The following FAM234A variants were observed in gnomAD, a reference collection of about 807,000 sequenced individuals.
FAM234A encodes protein FAM234A.
Under a neutral mutation model 49.1 loss-of-function variants are expected in FAM234A, and 42 were observed. The observed-to-expected ratio is 0.86, with a 90% confidence interval of 0.67 to 1.11. FAM234A has a LOEUF of 1.11. Ranked by LOEUF, FAM234A falls within the 50% of genes least tolerant of loss-of-function variation. The pLI is 0.00. For missense variants in FAM234A, 815 were observed against 745.2 expected, an observed-to-expected ratio of 1.09 and a Z score of -1.09; for synonymous variants, 369 against 316.2, an observed-to-expected ratio of 1.17 and a Z score of -1.77.
rs1490461625 is a variant in FAM234A at position 262,547 on chromosome 16, C to T, written c.965C>T (p.Ser322Phe). ...AATGCCACCACCCGCAGGATGCTTT[C>T]CCACAGGTGGGTCCGGGCCGCAGCC... is the stretch of plus-strand genomic sequence containing the variant. ...MLNATTRRML[S>F]HSSGAVRYLM... Residue 322 changes from serine (S) to phenylalanine (F), a missense_variant, in exon 8 of 13, where the codon TCC (serine) becomes TTC (phenylalanine). Transcript: ENST00000399932. 1 of 1,603,144 alleles carries T rather than the reference C, an allele frequency of 6.2e-7. No homozygotes were observed. Among genetic ancestry groups the T allele is most frequent in the Admixed American group, 1.7e-5 (1 of 58,456 alleles).
chr16:242,224 C>CTT (rs370563388), intron 1 of FAM234A, among the ~76,000 whole-genome samples: 112 of 151,978 alleles, frequency 7.4e-4, no homozygotes, highest in African/African-American at 2.5e-3. Context: ...ACCGATAGTC[C>CTT]TTTTTTTTGA....
At chr16:262,326 G>A (rs2051499663) in intron 7 of FAM234A, 98 bp from the exon 8 acceptor site, 5 of 1,567,968 alleles carry the variant, frequency 3.2e-6, no homozygotes, top group Non-Finnish European at 4.3e-6. Flanking sequence ...GCTGGAGTCA[G>A]GAAGCCCAGG....
chr16:242,716 G>A (rs1317713512), intron 1 of FAM234A, among the ~76,000 whole-genome samples: 1 of 150,842 alleles, frequency 6.6e-6, no homozygotes, highest in Non-Finnish European at 1.5e-5. Context: ...GGGTTCAAGC[G>A]ATTCTCCTGC....
chr16:263,716 C>T lies in FAM234A; in HGVS notation c.1129C>T (p.Arg377Cys), dbSNP rs575006186. The T allele has an allele frequency of 5.7e-5, 92 of 1,613,914 alleles. No individual in the cohort carries two copies. The South Asian group carries it at 5.9e-4, about 10-fold the overall frequency. The change falls in exon 10 of 13, where the codon CGC becomes TGC. Residue 377 changes from arginine (R) to cysteine (C), a missense_variant. By Grantham distance (180) the Arg-to-Cys change is radical. Transcript: ENST00000399932. ...TTGTTCCAGAAAACCCATCTTCGGC[C>T]GCTACAAACCAGACACCTTGGCTGT... ...AHVLRKPIFG[R>C]YKPDTLAVAV...
chr16:263,957 C>T, intron 10 of FAM234A, 59 bp from the exon 11 acceptor site: 1 of 1,560,720 alleles, frequency 6.4e-7, no homozygotes, highest in African/African-American at 1.4e-5. Flanking sequence ...CCTGTGCAAG[C>T]CTCGAGCTTT....
chr16:265,679 T>C lies in FAM234A; in HGVS notation c.*657T>C. The stretch of plus-strand genomic sequence containing the variant: ...CAAGGGTCTCCCCCAGCAGGATGGG[T>C]GGGGCCTGCTCTGGAGCTGAGCCCG... On this transcript the variant is annotated 3_prime_UTR_variant, in exon 13 of 13. Coordinates refer to ENST00000399932, the MANE Select transcript of FAM234A (RefSeq NM_032039.4). 3.0e-6 allele frequency: 3 copies of C among 985,412 alleles called. No homozygotes were observed. In the South Asian group the frequency reaches 1.4e-4, roughly 46 times the overall value. 61.0% of individuals were successfully genotyped at this position (985,412 alleles called of 1,614,324 possible).
chr16:259,697 T>C (rs940333495), intron 4 of FAM234A, 98 bp downstream of exon 4: 1 of 821,964 alleles, frequency 1.2e-6, no homozygotes, highest in Admixed American at 2.0e-5. Context: ...GGGAAGCAGA[T>C]GGTGGTGTTT....
intron 3 of FAM234A, among the ~76,000 whole-genome samples, chr16:258,017 C>G (rs1158769826): frequency 6.6e-6 from 1 of 152,056 alleles, no homozygotes; most frequent in Non-Finnish European, 1.5e-5. Flanking sequence ...GCCACCACGC[C>G]CGGCTAATTT....
intron 1 of FAM234A, among the ~76,000 whole-genome samples, chr16:244,303 G>A (rs2050726778): frequency 6.6e-6 from 1 of 152,148 alleles, no homozygotes; most frequent in South Asian, 2.1e-4. Flanking sequence ...TGAGGAAGCT[G>A]GTGATTATTT....
intron 9 of FAM234A, 80 bp from the exon 10 acceptor site, chr16:263,620 C>A: frequency 7.6e-7 from 1 of 1,309,298 alleles, no homozygotes; most frequent in Non-Finnish European, 1.1e-6. Context: ...GACTGAGGGG[C>A]GGACGTGTTC....
intron 3 of FAM234A, 87 bp downstream of exon 3, chr16:254,768 C>G (rs2051165632): frequency 2.2e-6 from 3 of 1,351,446 alleles, no homozygotes; most frequent in Non-Finnish European, 3.1e-6. Context: ...GTCTGCGAGT[C>G]TAGAAGTGGC....
At chr16:268,576 G>C (rs529467251), downstream of FAM234A, 2 of 609,228 alleles carry the variant, frequency 3.3e-6, no homozygotes, top group African/African-American at 3.7e-5. Flanking sequence ...CTATGGAATC[G>C]GGCCTCGTCA....
At chr16:254,801 A>G (rs1279098037) in intron 3 of FAM234A, 120 bp downstream of exon 3, 13 of 1,032,274 alleles carry the variant, frequency 1.3e-5, no homozygotes, top group Non-Finnish European at 1.9e-5. Flanking sequence ...AATCAATCCC[A>G]AGAGGCTGCC....
intron 1 of FAM234A, among the ~76,000 whole-genome samples, chr16:247,559 A>G (rs565044012): frequency 6.6e-6 from 1 of 151,386 alleles, no homozygotes; most frequent in South Asian, 2.1e-4. Context: ...TTGACTCCCA[A>G]GTGACTGGGA....
downstream of FAM234A, chr16:268,513 C>T (rs560136441): frequency 1.8e-6 from 1 of 551,212 alleles, no homozygotes; most frequent in Non-Finnish European, 3.3e-6. Context: ...AAGGCCAGCT[C>T]ACGAAGGAAG....
chr16:238,654 C>G (rs540226645), intron 1 of FAM234A, among the ~76,000 whole-genome samples: 1 of 149,930 alleles, frequency 6.7e-6, no homozygotes, highest in Admixed American at 6.7e-5. Flanking sequence ...TAGTCCCAGC[C>G]ACTCCGGAGG....
chr16:236,804 G>C (rs2050416783), intron 1 of FAM234A, among the ~76,000 whole-genome samples: 2 of 116,966 alleles, frequency 1.7e-5, no homozygotes, highest in South Asian at 2.7e-4. Flanking sequence ...TACGCGGGAG[G>C]CTGAGGCAGG....
intron 2 of FAM234A, among the ~76,000 whole-genome samples, chr16:252,178 G>GTTTT (rs1368906456): frequency 3.2e-5 from 4 of 126,060 alleles, no homozygotes; most frequent in Non-Finnish European, 6.5e-5. Flanking sequence ...CTGTTTTTCT[G>GTTTT]TTTTTTGTTT....
At position 254,495 on chromosome 16, in the gene FAM234A, C is replaced by G; in HGVS notation, c.82C>G (p.Pro28Ala). Residue 28 changes from proline to alanine, a missense_variant, in exon 3 of 13, where the codon CCA becomes GCA. Transcript: ENST00000399932. ...AAAATCGCAGGAAAATCTGGGAAAT[C>G]CATCAAAAAATGAGGATAACGTGAA... ...ERKSQENLGN[P>A]SKNEDNVKSA... 1 of 1,614,222 alleles carries G rather than the reference C, an allele frequency of 6.2e-7. No homozygotes were observed. The highest frequency in any genetic ancestry group is 2.2e-5 in the East Asian group (1 of 44,882).
Sources: allele counts gnomAD v4.1 joint callset (sites outside exome capture counted in the v4.1 genomes callset), GRCh38; gene constraint gnomAD v4.1.1; transcripts MANE v1.5; gene names NCBI Gene and HGNC (gene_info 2026-07-23, HGNC 2026-07-21).